Variants in ZFYVE16 observed in about 807,000 individuals in gnomAD.
ZFYVE16 encodes the protein zinc finger FYVE-type containing 16.
ZFYVE16 carries 89 observed loss-of-function variants against 138.1 expected under a neutral mutation model. That is an observed-to-expected ratio of 0.64 (90% CI 0.54 to 0.77). The LOEUF (loss-of-function observed/expected upper bound fraction) is 0.77, where lower values mean the gene tolerates loss of function less well. Among genes scored for constraint, ZFYVE16 ranks in the 30% least tolerant of loss-of-function variants. The pLI is 0.00. For missense variants in ZFYVE16, 1,793 were observed against 1,786.7 expected (o/e 1.00, Z -0.06); for synonymous variants, 596 against 618.3 (o/e 0.96, Z 0.53).
At chr5:80,421,052 A>G (rs1287216084) in intron 1 of ZFYVE16, among the ~76,000 whole-genome samples, 5 of 150,796 alleles carry the variant, frequency 3.3e-5, no homozygotes, top group Admixed American at 6.5e-5. Flanking sequence ...GCCAGTGATG[A>G]TGAGCATTTT....
In ZFYVE16 at chr5:80,437,166, T is replaced by C. The variant is rs547969978; in HGVS notation, c.481T>C (p.Leu161=). 7 of 1,614,076 alleles carry C rather than the reference T, an allele frequency of 4.3e-6. No homozygotes were observed. The South Asian group carries it at 7.7e-5, about 18-fold the overall frequency. ...PDDFKSNADS[L]IGLDLSSVSD... is the part of the protein sequence containing the mutation. The stretch of plus-strand genomic sequence containing the variant: ...TGATTTTAAGTCTAATGCAGATTCC[T>C]TGATTGGATTGGATTTATCTTCAGT... Residue 161 remains leucine, a synonymous_variant, in exon 4 of 19, where the codon TTG becomes CTG. Transcript: ENST00000505560.
chr5:80,451,801 T>C (rs945739830), intron 11 of ZFYVE16, 92 bp downstream of exon 11: 1 of 1,202,222 alleles, frequency 8.3e-7, no homozygotes, highest in African/African-American at 1.5e-5. Flanking sequence ...TTTTAATGGA[T>C]TAATGGAACT....
chr5:80,431,138 A>C (rs533673646), intron 2 of ZFYVE16, among the ~76,000 whole-genome samples: 8 of 152,330 alleles, frequency 5.3e-5, no homozygotes, highest in Admixed American at 5.2e-4. Flanking sequence ...ACAACCAAAA[A>C]AGAGAATTTT....
rs758377359 is a variant in ZFYVE16, at chr5:80,473,737, T to G, written c.4188-17T>G. On this transcript the variant is annotated splice_polypyrimidine_tract_variant and intron_variant, in intron 16 of 18. Coordinates refer to ENST00000505560, the MANE Select transcript of ZFYVE16 (RefSeq NM_001284236.3). ...ATTGGTGCTAATAATTCTATTGTAT[T>G]ATGTTTTATTTCATAGAGTTATCAG... The G allele has an allele frequency of 1.9e-6, 3 of 1,541,690 alleles. No homozygotes were observed. In the South Asian group the frequency reaches 3.5e-5, roughly 18 times the overall value.
At position 80,465,694 on chromosome 5, in the gene ZFYVE16, CCACTGTGCCTGGCCTCTA is replaced by C. The variant is rs145051115; in HGVS notation, c.4024+6203_4024+6220del. On this transcript the variant is annotated intron_variant, in intron 15 of 18. Coordinates refer to ENST00000505560, the MANE Select transcript of ZFYVE16 (RefSeq NM_001284236.3). ...AAAGTGTTTTAATTATAGGCATGAG[CCACTGTGCCTGGCCTCTA>C]CATAGTTTCTGATTAAGAAGTCAGC... Among the ~76,000 whole-genome samples, 823 of 152,096 alleles carry C rather than the reference CCACTGTGCCTGGCCTCTA, an allele frequency of 5.4e-3. 3 individuals are homozygous for C. Among genetic ancestry groups the C allele is most frequent in the Non-Finnish European group, 9.1e-3 (622 of 67,994 alleles).
intron 11 of ZFYVE16, among the ~76,000 whole-genome samples, chr5:80,453,768 A>G (rs141195139): frequency 6.6e-6 from 1 of 152,140 alleles, no homozygotes; most frequent in South Asian, 2.1e-4. Context: ...GCTAATGTGA[A>G]AGTTAAAGTC....
intron 15 of ZFYVE16, among the ~76,000 whole-genome samples, chr5:80,460,814 AT>A (rs1049203711): frequency 2.0e-5 from 3 of 152,144 alleles, no homozygotes; most frequent in African/African-American, 7.2e-5. Flanking sequence ...CATTGTAAAC[AT>A]TTTCACTTTT....
chr5:80,410,610 C>T (rs1214502403), intron 1 of ZFYVE16, among the ~76,000 whole-genome samples: 3 of 151,722 alleles, frequency 2.0e-5, no homozygotes, highest in Admixed American at 6.6e-5. Context: ...CTCGCTCTTT[C>T]GCCAGGCTGG....
At chr5:80,424,416 CT>C (rs1291790093) in intron 1 of ZFYVE16, among the ~76,000 whole-genome samples, 2 of 150,266 alleles carry the variant, frequency 1.3e-5, no homozygotes, top group African/African-American at 4.9e-5. Flanking sequence ...TATTAATTAG[CT>C]TCTTTGAAGT....
chr5:80,411,405 A>G (rs753868702), intron 1 of ZFYVE16, among the ~76,000 whole-genome samples: 1 of 151,928 alleles, frequency 6.6e-6, no homozygotes, highest in Non-Finnish European at 1.5e-5. Context: ...GTTCCTTCAT[A>G]TTTTTTTACT....
intron 3 of ZFYVE16, among the ~76,000 whole-genome samples, chr5:80,434,727 T>C (rs1190975638): frequency 6.6e-6 from 1 of 152,146 alleles, no homozygotes; most frequent in Non-Finnish European, 1.5e-5. Flanking sequence ...TGCTTCAGCC[T>C]ACCAAAATGT....
chr5:80,416,556 ATT>A lies in ZFYVE16; in HGVS notation c.-94+8418_-94+8419del, dbSNP rs56106254. Among the ~76,000 whole-genome samples, 763 of 142,138 alleles carry A rather than the reference ATT, an allele frequency of 5.4e-3. 3 individuals are homozygous for A. The highest frequency in any genetic ancestry group is 0.011 in the African/African-American group (425 of 38,352). The allele number at this position is 142,138 out of a possible 152,430, so 93.2% of individuals were successfully genotyped here. ...AGGCGAGAGACACTGCGCCCAGCCGATTTTTTTTTTTTTTTTAATGTGTTGGG... is the reference window on the plus strand; with the variant it reads ...AGGCGAGAGACACTGCGCCCAGCCGATTTTTTTTTTTTTTAATGTGTTGGG... On this transcript the variant is annotated intron_variant, in intron 1 of 18. Coordinates refer to ENST00000505560, the MANE Select transcript of ZFYVE16 (RefSeq NM_001284236.3).
At chr5:80,418,247 T>C (rs1454376919) in intron 1 of ZFYVE16, among the ~76,000 whole-genome samples, 1 of 150,092 alleles carries the variant, frequency 6.7e-6, no homozygotes, top group Non-Finnish European at 1.5e-5. Context: ...TCTCCTCTCC[T>C]CTTTCCTTTC....
In ZFYVE16 at chr5:80,474,823, C is replaced by A; in HGVS notation, c.4454C>A (p.Thr1485Asn). 6.2e-7 allele frequency: 1 copy of A among 1,610,016 alleles called. No individual in the cohort carries two copies. Among genetic ancestry groups the A allele is most frequent in the South Asian group, 1.1e-5 (1 of 90,280 alleles). ...NKIGLRVSID[T>N]DMVEFQAGSE... ...ATTGGACTCAGAGTTTCCATTGACA[C>A]TGATATGGTGAGGCATGTTTTTGTG... The change falls in exon 18 of 19, where the codon ACT becomes AAT. Residue 1485 changes from threonine to asparagine, a missense_variant. Around this residue, in one of 2 missense-constraint regions of ZFYVE16, gnomAD observed 498 missense variants for 582.4 expected, o/e 0.86. Coordinates refer to ENST00000505560, the MANE Select transcript of ZFYVE16 (RefSeq NM_001284236.3).
intron 1 of ZFYVE16, among the ~76,000 whole-genome samples, chr5:80,420,745 G>T (rs1016035902): frequency 2.0e-5 from 3 of 152,080 alleles, no homozygotes; most frequent in African/African-American, 7.2e-5. Context: ...GAATAGTGCC[G>T]CAATAAACAT....
chr5:80,446,810 T>C (rs1156433107), intron 7 of ZFYVE16, among the ~76,000 whole-genome samples: 1 of 152,208 alleles, frequency 6.6e-6, no homozygotes, highest in Non-Finnish European at 1.5e-5. Context: ...ATATATAATA[T>C]AGAATCCAGA....
chr5:80,435,984 C>G (rs957272686), intron 3 of ZFYVE16: 1 of 207,022 alleles, frequency 4.8e-6, no homozygotes, highest in Non-Finnish European at 1.0e-5. Flanking sequence ...TTTGGGTTCT[C>G]TCTCCTGCTG....
chr5:80,438,218 A>G lies in ZFYVE16; in HGVS notation c.1533A>G (p.Gln511=), dbSNP rs746916815. The change falls in exon 4 of 19, where the codon CAA becomes CAG. Residue 511 remains glutamine (Q), a synonymous_variant. Coordinates refer to ENST00000505560, the MANE Select transcript of ZFYVE16 (RefSeq NM_001284236.3). ...NTFSSNDMDG[Q]DLDYFNIDEG... ...TTTCAAGCAATGATATGGATGGGCA[A>G]GACTTAGATTACTTTAATATTGATG... 45 of 1,613,966 alleles carry G rather than the reference A, an allele frequency of 2.8e-5. No homozygotes were observed. The highest frequency in any genetic ancestry group is 3.7e-5 in the Non-Finnish European group (44 of 1,179,982).
chr5:80,421,920 A>G (rs1472868003), intron 1 of ZFYVE16, among the ~76,000 whole-genome samples: 3 of 152,276 alleles, frequency 2.0e-5, no homozygotes, highest in Admixed American at 1.3e-4. Context: ...GATTCTTCCT[A>G]TCCAAGAGCA....
Sources: allele counts gnomAD v4.1 joint callset (sites outside exome capture counted in the v4.1 genomes callset), GRCh38; gene constraint gnomAD v4.1.1; regional missense constraint gnomAD v4.1.1; transcripts MANE v1.5; gene names NCBI Gene and HGNC (gene_info 2026-07-23, HGNC 2026-07-21).